The following PIGN variants were observed in gnomAD, a reference collection of about 807,000 sequenced individuals.
PIGN encodes the protein GPI ethanolamine phosphate transferase 1.
Under a neutral mutation model 125.4 loss-of-function variants are expected in PIGN, and 117 were observed. The observed-to-expected ratio is 0.93, with a 90% CI of 0.80 to 1.09. PIGN has a LOEUF of 1.09. Ranked by LOEUF, PIGN falls within the 50% of genes least tolerant of loss-of-function variation. The probability of loss-of-function intolerance (pLI) is 0.00; values close to 1 mark genes in which losing one functional copy is unlikely to be tolerated. For synonymous variants in PIGN, 392 were observed against 377.8 expected (o/e 1.04, Z -0.44); for missense variants, 1,075 against 1,094.9 (o/e 0.98, Z 0.26).
rs182459463 is a variant in PIGN, at chr18:62,025,897, C to T, written c.2143-8156G>A. 2.6e-5 allele frequency among the ~76,000 whole-genome samples: 4 copies of T among 152,280 alleles called. No homozygotes were observed. In the East Asian group the frequency reaches 7.7e-4, roughly 29 times the overall value. The stretch of plus-strand genomic sequence containing the variant: ...CTGTCTTAATTCAAGTTCCATTCGT[C>T]TTTTACTTAGATTGTTGCTACCCAT... On this transcript the variant is annotated intron_variant, in intron 23 of 24. Transcript: ENST00000639600.
chr18:62,087,524 A>G (rs2033763273), intron 25 of PIGN, among the ~76,000 whole-genome samples: 1 of 152,220 alleles, frequency 6.6e-6, no homozygotes, highest in Admixed American at 6.5e-5. Context: ...AAAAAATTAA[A>G]CAGAAAGGAC....
rs2030386743 is a variant in PIGN at position 62,041,680 on chromosome 18, T to C, written c.*4176A>G. ...GTGTGTGTGTGTGTGTGTGTGTGTG[T>C]GTGTGTGTGTGTGTGTGTGTGTGTG... On this transcript the variant is annotated 3_prime_UTR_variant, in exon 31 of 31. Transcript: ENST00000640252. 6.7e-6 allele frequency: 1 copy of C among 149,736 alleles called. No individual in the cohort carries two copies. Among genetic ancestry groups the C allele is most frequent in the Non-Finnish European group, 1.5e-5 (1 of 68,446 alleles). 9.3% of individuals were successfully genotyped at this position (149,736 alleles called of 1,614,324 possible).
chr18:62,111,204 A>C (rs919521439), intron 16 of PIGN, among the ~76,000 whole-genome samples: 1 of 152,078 alleles, frequency 6.6e-6, no homozygotes, highest in Non-Finnish European at 1.5e-5. Context: ...CCCTCCATCT[A>C]TATTATGAGA....
At chr18:62,034,771 A>T (rs780911559) in intron 23 of PIGN, among the ~76,000 whole-genome samples, 10 of 152,208 alleles carry the variant, frequency 6.6e-5, no homozygotes, top group Non-Finnish European at 1.5e-4. Flanking sequence ...TTACAGGCTC[A>T]TGTAAAGGAA....
At chr18:62,174,436 T>A (rs2037450199) in intron 1 of PIGN, 1 of 152,150 alleles carries the variant, frequency 6.6e-6, no homozygotes, top group Admixed American at 6.5e-5. Context: ...ATTGCCTATA[T>A]GAAGAAATGG....
intron 14 of PIGN, among the ~76,000 whole-genome samples, chr18:62,118,206 C>T (rs1350921591): frequency 4.0e-5 from 6 of 151,578 alleles, no homozygotes; most frequent in Admixed American, 3.9e-4. Context: ...GACTGGAATA[C>T]AGGAGGAAAA....
At chr18:62,172,503 A>G (rs1762858783) in intron 1 of PIGN, among the ~76,000 whole-genome samples, 1 of 152,180 alleles carries the variant, frequency 6.6e-6, no homozygotes, top group African/African-American at 2.4e-5. Context: ...GTACTTACAC[A>G]TATGTACTTA....
intron 30 of PIGN, among the ~76,000 whole-genome samples, chr18:62,068,667 G>A (rs1048839371): frequency 3.3e-5 from 5 of 152,072 alleles, no homozygotes; most frequent in African/African-American, 1.2e-4. Flanking sequence ...TCATATCTGA[G>A]ACTGCATGAC....
At chr18:62,120,313 A>C (rs1220207070) in intron 14 of PIGN, among the ~76,000 whole-genome samples, 14 of 152,228 alleles carry the variant, frequency 9.2e-5, no homozygotes, top group Admixed American at 9.2e-4. Flanking sequence ...CTGAAAGAAA[A>C]TAACTGACAA....
intron 14 of PIGN, among the ~76,000 whole-genome samples, chr18:62,116,493 A>G (rs1027030910): frequency 2.0e-5 from 3 of 152,082 alleles, no homozygotes; most frequent in Admixed American, 6.5e-5. Context: ...ATAATGGTGA[A>G]ACTCTTCAAG....
intron 30 of PIGN, chr18:62,053,011 A>G: frequency 5.5e-6 from 2 of 366,072 alleles, no homozygotes; most frequent in South Asian, 1.4e-4. Flanking sequence ...TGAAGGAAAA[A>G]GAACTCAGTA....
At chr18:62,067,014 T>C (rs1029096942) in intron 30 of PIGN, among the ~76,000 whole-genome samples, 6 of 152,238 alleles carry the variant, frequency 3.9e-5, no homozygotes, top group African/African-American at 1.4e-4. Context: ...ATTCTACTTA[T>C]GCATTTTTCT....
At chr18:62,087,849 G>A (rs1377078556) in intron 25 of PIGN, among the ~76,000 whole-genome samples, 1 of 152,182 alleles carries the variant, frequency 6.6e-6, no homozygotes, top group African/African-American at 2.4e-5. Context: ...GATGGTTGCT[G>A]AGGGCTGAGA....
intron 14 of PIGN, among the ~76,000 whole-genome samples, chr18:62,118,325 G>T (rs1385969094): frequency 6.6e-6 from 1 of 151,728 alleles, no homozygotes; most frequent in Non-Finnish European, 1.5e-5. Flanking sequence ...CATAACTTCT[G>T]GTTATGCCAG....
chr18:62,155,914 G>A (rs948698987), intron 6 of PIGN, among the ~76,000 whole-genome samples: 3 of 152,126 alleles, frequency 2.0e-5, no homozygotes, highest in Admixed American at 2.0e-4. Flanking sequence ...TTTTTGGTCC[G>A]CCCAGTATAA....
intron 23 of PIGN, among the ~76,000 whole-genome samples, chr18:62,094,966 T>C (rs2034116384): frequency 6.6e-6 from 1 of 152,174 alleles, no homozygotes; most frequent in Non-Finnish European, 1.5e-5. Context: ...AGAACATCTC[T>C]CTAATTTTGA....
intron 16 of PIGN, among the ~76,000 whole-genome samples, chr18:62,112,361 T>C (rs186065674): frequency 2.4e-4 from 36 of 152,258 alleles, no homozygotes; most frequent in Admixed American, 2.2e-3. Flanking sequence ...CCAGGATATA[T>C]TACTTTTTAG....
chr18:62,061,511 CAAAAAAAAAAAA>C (rs373391589), intron 30 of PIGN, among the ~76,000 whole-genome samples: 9 of 33,212 alleles, frequency 2.7e-4, no homozygotes, highest in Non-Finnish European at 5.8e-4. Flanking sequence ...GACTCCGTCT[CAAAAAAAAAAAA>C]AAAAAAAAAA....
chr18:62,154,294 A>G (rs1307297472), intron 7 of PIGN: 1 of 479,974 alleles, frequency 2.1e-6, no homozygotes, highest in Non-Finnish European at 3.6e-6. Context: ...TGAATCACAA[A>G]CTAGAAACGA....
Sources: allele counts gnomAD v4.1 joint callset (sites outside exome capture counted in the v4.1 genomes callset), GRCh38; gene constraint gnomAD v4.1.1; transcripts MANE v1.5; gene names NCBI Gene and HGNC (gene_info 2026-07-23, HGNC 2026-07-21).